JKAMP: variants seen among roughly 807,000 people sequenced by gnomAD.
The protein encoded by JKAMP is JNK1/MAPK8 associated membrane protein.
A neutral mutation model predicts 40.2 loss-of-function variants in JKAMP; 20 were observed. The observed-to-expected ratio is 0.50, with a 90% CI of 0.35 to 0.72. JKAMP has a LOEUF of 0.72. JKAMP is among the 30% of genes least tolerant of loss of function. The probability of loss-of-function intolerance (pLI) is 0.01; values close to 1 mark genes in which losing one functional copy is unlikely to be tolerated. For synonymous variants in JKAMP, 138 were observed against 131.6 expected (o/e 1.05, Z -0.33); for missense variants, 276 against 373.0 (o/e 0.74, Z 2.14).
At chr14:59,501,045 A>C (rs1006041913) in intron 5 of JKAMP, 146 bp from the exon 6 acceptor site, 1 of 574,002 alleles carries the variant, frequency 1.7e-6, no homozygotes, top group African/African-American at 1.9e-5. Context: ...CTTGCTGGCC[A>C]CTGCCTCAGA....
Position 59,505,268 on chromosome 14 carries a change from A to G in JKAMP, c.*1196A>G, listed in dbSNP as rs1359077824. 1 of 1,509,296 alleles carries G rather than the reference A, an allele frequency of 6.6e-7. No homozygotes were observed. The highest frequency in any genetic ancestry group is 8.9e-7 in the Non-Finnish European group (1 of 1,127,956). The allele number at this position is 1,509,296 out of a possible 1,614,324, so 93.5% of individuals were successfully genotyped here. Reference sequence around the variant, plus strand: ...TTTGTTAATGTATTTTTCTCAGTACATTTAACCACTGGGAAATGAACCCTT... The same window carrying G: ...TTTGTTAATGTATTTTTCTCAGTACGTTTAACCACTGGGAAATGAACCCTT... On this transcript the variant is annotated 3_prime_UTR_variant, in exon 7 of 7. Transcript: ENST00000616435.
At chr14:59,486,450 G>C (rs987619590) in intron 1 of JKAMP, among the ~76,000 whole-genome samples, 7 of 152,202 alleles carry the variant, frequency 4.6e-5, no homozygotes, top group Non-Finnish European at 1.0e-4. Context: ...GTTAGGCTTT[G>C]AGTCCTGGAG....
Position 59,495,018 on chromosome 14 carries a change from T to A in JKAMP, c.252T>A (p.Ser84Arg). The A allele has an allele frequency of 6.2e-7, 1 of 1,612,380 alleles. No individual in the cohort carries two copies. Among genetic ancestry groups the A allele is most frequent in the South Asian group, 1.1e-5 (1 of 91,036 alleles). The change falls in exon 4 of 7, where the codon AGT becomes AGA. Residue 84 changes from serine to arginine, a missense_variant and splice_region_variant. By Grantham distance (110) the Ser-to-Arg change is moderately radical. Transcript: ENST00000616435. ...AATCATGCCTCTTTTCCTTCTCTAG[T>A]TCCAGCGCACTTTTCCAACACATCA... ...FFIEWYSGKK[S>R]SSALFQHITA...
intron 1 of JKAMP, 150 bp from the exon 2 acceptor site, chr14:59,486,563 T>C (rs963147112): frequency 2.2e-5 from 14 of 629,070 alleles, no homozygotes; most frequent in Admixed American, 1.7e-4. Context: ...AAAGGAGAAA[T>C]GTAAATTTAA....
chr14:59,500,061 A>C (rs1425083954), intron 5 of JKAMP, among the ~76,000 whole-genome samples: 1 of 152,168 alleles, frequency 6.6e-6, no homozygotes, highest in Non-Finnish European at 1.5e-5. Flanking sequence ...ATTCCTTTTT[A>C]CTGTATATGG....
At chr14:59,502,344 A>G (rs1219256874) in intron 6 of JKAMP, among the ~76,000 whole-genome samples, 1 of 152,192 alleles carries the variant, frequency 6.6e-6, no homozygotes, top group Non-Finnish European at 1.5e-5. Flanking sequence ...TCTAGGGACT[A>G]TGAACTGTCT....
chr14:59,490,466 C>T (rs1247865173), intron 3 of JKAMP, among the ~76,000 whole-genome samples: 1 of 152,066 alleles, frequency 6.6e-6, no homozygotes, highest in Non-Finnish European at 1.5e-5. Flanking sequence ...ATGGAAGTGG[C>T]ATCATTTGAT....
intron 4 of JKAMP, among the ~76,000 whole-genome samples, chr14:59,497,548 T>G (rs994861430): frequency 1.3e-5 from 2 of 152,216 alleles, no homozygotes; most frequent in Non-Finnish European, 2.9e-5. Flanking sequence ...TTTTTTCTTT[T>G]GCTGTTGATA....
intron 3 of JKAMP, among the ~76,000 whole-genome samples, chr14:59,493,279 C>T (rs2139880932): frequency 6.6e-6 from 1 of 152,306 alleles, no homozygotes; most frequent in Non-Finnish European, 1.5e-5. Flanking sequence ...TGGAAGAGAA[C>T]CAAGGCACAC....
At chr14:59,499,001 T>C (rs1301310248) in intron 5 of JKAMP, 93 bp downstream of exon 5, 5 of 524,718 alleles carry the variant, frequency 9.5e-6, no homozygotes, top group Admixed American at 8.7e-5. Context: ...TTCCTTAAGA[T>C]AGTTTGTTTA....
At chr14:59,496,711 C>G (rs1891478770) in intron 4 of JKAMP, among the ~76,000 whole-genome samples, 1 of 152,206 alleles carries the variant, frequency 6.6e-6, no homozygotes, top group African/African-American at 2.4e-5. Context: ...AATCATCACA[C>G]AGCTTCATTG....
At chr14:59,501,413 T>C in intron 6 of JKAMP, 146 bp downstream of exon 6, 1 of 585,086 alleles carries the variant, frequency 1.7e-6, no homozygotes, top group Non-Finnish European at 2.9e-6. Flanking sequence ...TTTTGGCTTG[T>C]TAACTTTATG....
intron 1 of JKAMP, 50 bp downstream of exon 1, chr14:59,484,643 T>C (rs563462920): frequency 6.4e-7 from 1 of 1,565,656 alleles, no homozygotes; most frequent in Non-Finnish European, 8.7e-7. Context: ...TCCCGACTAC[T>C]TTCCTACACG....
intron 6 of JKAMP, among the ~76,000 whole-genome samples, chr14:59,502,845 G>A (rs1244887155): frequency 1.4e-5 from 2 of 140,642 alleles, no homozygotes; most frequent in African/African-American, 2.7e-5. Context: ...TCCACCTCTC[G>A]GGTTCAAGTG....
Position 59,498,836 on chromosome 14 carries a change from A to C in JKAMP, c.568A>C (p.Lys190Gln). ...ACGLGKSDRF[K>Q]SIYAALYFFP... ...TGGGTTAGGGAAATCTGATCGATTT[A>C]AAAGTATTTATGCTGCACTTTACTT... Residue 190 changes from lysine (K) to glutamine (Q), a missense_variant, in exon 5 of 7, where the codon AAA becomes CAA. Physicochemically the swap from Lys to Gln is moderately conservative, Grantham distance 53 (BLOSUM62 1). Transcript: ENST00000616435. 1 of 1,612,866 alleles carries C rather than the reference A, an allele frequency of 6.2e-7. No individual in the cohort carries two copies. The highest frequency in any genetic ancestry group is 2.2e-5 in the East Asian group (1 of 44,858).
intron 1 of JKAMP, chr14:59,484,999 G>T (rs1178079330): frequency 5.1e-6 from 8 of 1,582,982 alleles, no homozygotes; most frequent in Non-Finnish European, 6.0e-6. Context: ...GATTTATAGC[G>T]CCCGTCACAA....
Position 59,484,586 on chromosome 14 carries a change from G to A in JKAMP, c.-4G>A. On this transcript the variant is annotated 5_prime_UTR_variant, in exon 1 of 7. Transcript: ENST00000616435. Reference sequence around the variant, plus strand: ...GCTTCTCGAAAAAAACCTTCAGGCGGCCCATGGGTGAGTGGTCGCCAAGAT... The same window carrying A: ...GCTTCTCGAAAAAAACCTTCAGGCGACCCATGGGTGAGTGGTCGCCAAGAT... The A allele has an allele frequency of 6.3e-7, 1 of 1,577,084 alleles. No homozygotes were observed. The highest frequency in any genetic ancestry group is 8.6e-7 in the Non-Finnish European group (1 of 1,161,646).
intron 3 of JKAMP, among the ~76,000 whole-genome samples, chr14:59,490,219 G>A (rs1890888013): frequency 6.6e-6 from 1 of 152,160 alleles, no homozygotes; most frequent in African/African-American, 2.4e-5. Context: ...ACCATGCCCA[G>A]CCACCAGGAT....
At chr14:59,486,932 G>A (rs1219813341) in intron 2 of JKAMP, 128 bp downstream of exon 2, 4 of 685,996 alleles carry the variant, frequency 5.8e-6, no homozygotes, top group African/African-American at 3.6e-5. Context: ...CAGGCGCAGT[G>A]GCTCATGCCT....
Sources: allele counts gnomAD v4.1 joint callset (sites outside exome capture counted in the v4.1 genomes callset), GRCh38; gene constraint gnomAD v4.1.1; transcripts MANE v1.5; gene names NCBI Gene and HGNC (gene_info 2026-07-23, HGNC 2026-07-21).